The following BSN variants were observed in gnomAD, a reference collection of about 807,000 sequenced individuals.
The protein encoded by BSN is bassoon presynaptic cytomatrix protein.
Under a neutral mutation model 264.8 loss-of-function variants are expected in BSN, and 57 were observed. The ratio of observed to expected loss-of-function variants is 0.22; its 90% CI spans 0.17 to 0.27. BSN has a LOEUF of 0.27. Among genes scored for constraint, BSN ranks in the 10% least tolerant of loss-of-function variants. The probability of loss-of-function intolerance (pLI) is 1.00; values close to 1 mark genes in which losing one functional copy is unlikely to be tolerated. For synonymous variants in BSN, 2,059 were observed against 2,137.3 expected (o/e 0.96, Z 1.01); for missense variants, 4,615 against 5,232.5 (o/e 0.88, Z 3.64).
rs1475701742 is a variant in BSN at position 49,654,475 on chromosome 3, T to C, written c.4919T>C (p.Ile1640Thr). The C allele has an allele frequency of 1.2e-6, 2 of 1,609,272 alleles. No homozygotes were observed. Among genetic ancestry groups the C allele is most frequent in the Middle Eastern group, 1.7e-4 (1 of 6,044 alleles). Residue 1640 changes from isoleucine to threonine, a missense_variant, in exon 5 of 12, where the codon ATC becomes ACC. Transcript: ENST00000296452. This position sits in a 1 kb window ranked among gnomAD's most constrained non-coding sequence, Gnocchi z 4.1. ...TGGGGTGCCCTCCCTGCTGAGAACA[T>C]CTCCCTGTGCCGGATCTCCTCTGTC... Reference protein sequence around the residue: ...YGWGALPAENISLCRISSVPG... With the variant: ...YGWGALPAENTSLCRISSVPG...
At chr3:49,658,231 G>C (rs2052627714) in intron 5 of BSN, 35 bp downstream of exon 5, 1 of 1,502,766 alleles carries the variant, frequency 6.7e-7, no homozygotes, top group Non-Finnish European at 8.9e-7. Flanking sequence ...GGTGGGACAG[G>C]GGTCTCTGCC....
rs1294617631 is a variant in BSN, at chr3:49,652,367, C to T, written c.2811C>T (p.Asn937=). 1.2e-6 allele frequency: 2 copies of T among 1,607,096 alleles called. No individual in the cohort carries two copies. The highest frequency in any genetic ancestry group is 1.7e-6 in the Non-Finnish European group (2 of 1,176,532). ...GLRRFKTIEL[N]STGSYGHELD... is the part of the protein sequence containing the mutation. ...GTCGCTTCAAGACCATTGAGCTCAA[C>T]AGCACGGGAAGTTATGGTCATGAGT... Residue 937 remains asparagine (N), a synonymous_variant, in exon 5 of 12, where the codon AAC becomes AAT. Transcript: ENST00000296452.
intron 3 of BSN, among the ~76,000 whole-genome samples, chr3:49,645,304 C>T (rs1029527804): frequency 1.3e-5 from 2 of 152,192 alleles, no homozygotes; most frequent in Non-Finnish European, 2.9e-5. Flanking sequence ...AGAGGGCCTG[C>T]AGCTATTCTA....
intron 1 of BSN, among the ~76,000 whole-genome samples, chr3:49,622,594 G>T (rs1263195623): frequency 6.6e-6 from 1 of 152,224 alleles, no homozygotes; most frequent in Non-Finnish European, 1.5e-5. Context: ...CAGAAGGCTT[G>T]CACCACCTGG....
At chr3:49,573,204 G>A (rs2051811158) in intron 1 of BSN, among the ~76,000 whole-genome samples, 1 of 152,224 alleles carries the variant, frequency 6.6e-6, no homozygotes, top group Admixed American at 6.5e-5. Flanking sequence ...GATGCCAGGT[G>A]AAGACATGTG....
chr3:49,578,547 A>C (rs1182086713), intron 1 of BSN, among the ~76,000 whole-genome samples: 2 of 152,012 alleles, frequency 1.3e-5, no homozygotes, highest in Admixed American at 1.3e-4. Context: ...AGCTGGGACT[A>C]CAGGTGCCCA....
intron 1 of BSN, among the ~76,000 whole-genome samples, chr3:49,555,763 G>A (rs539882358): frequency 1.3e-5 from 2 of 152,324 alleles, no homozygotes; most frequent in African/African-American, 4.8e-5. Flanking sequence ...CACCAAATAG[G>A]CTTGGGGAGT....
At chr3:49,633,029 G>A (rs981887286) in intron 2 of BSN, among the ~76,000 whole-genome samples, 5 of 152,064 alleles carry the variant, frequency 3.3e-5, no homozygotes, top group Admixed American at 1.3e-4. Context: ...AACATAGGTC[G>A]GCTATGGTGG....
chr3:49,554,991 C>G (rs953605516), intron 1 of BSN, among the ~76,000 whole-genome samples, 165 bp downstream of exon 1: 2 of 152,202 alleles, frequency 1.3e-5, no homozygotes, highest in Non-Finnish European at 2.9e-5. Context: ...AGCGGCCCTT[C>G]CTTTCCAGCT....
intron 1 of BSN, among the ~76,000 whole-genome samples, chr3:49,571,710 A>G (rs2051797385): frequency 6.6e-6 from 1 of 152,054 alleles, no homozygotes; most frequent in Admixed American, 6.6e-5. Flanking sequence ...ATGGGGGATA[A>G]CTCTGTAAAC....
rs192896308 is a variant in BSN at position 49,651,575 on chromosome 3, G to A, written c.2019G>A (p.Ala673=). 87 of 1,601,004 alleles carry A rather than the reference G, an allele frequency of 5.4e-5. 1 individual carries two copies. The highest frequency in any genetic ancestry group is 2.2e-4 in the South Asian group (20 of 88,952). ...DLVGKPYSQD[A]SRSPQSLSDT... ...TGGGCAAGCCTTACTCTCAGGATGCGTCTCGGAGCCCACAGAGCCTCAGTG... is the reference window on the plus strand; with the variant it reads ...TGGGCAAGCCTTACTCTCAGGATGCATCTCGGAGCCCACAGAGCCTCAGTG... Residue 673 remains alanine (A), a synonymous_variant, in exon 5 of 12, where the codon GCG becomes GCA. Coordinates refer to ENST00000296452, the MANE Select transcript of BSN (RefSeq NM_003458.4). This position sits in a 1 kb window ranked among gnomAD's most constrained non-coding sequence, Gnocchi z 5.4.
Position 49,662,333 on chromosome 3 carries a change from C to T in BSN, c.10488C>T (p.Pro3496=), listed in dbSNP as rs137979821. ...LSMAHSRVRP[P]MRSQASEEES... ...TGGCCCACAGCCGGGTACGACCCCCCATGCGGAGCCAGGCCTCTGAAGAGG... is the reference window on the plus strand; with the variant it reads ...TGGCCCACAGCCGGGTACGACCCCCTATGCGGAGCCAGGCCTCTGAAGAGG... The change falls in exon 6 of 12, where the codon CCC becomes CCT. Residue 3496 remains proline, a synonymous_variant. Coordinates refer to ENST00000296452, the MANE Select transcript of BSN (RefSeq NM_003458.4). The T allele has an allele frequency of 8.1e-6, 13 of 1,613,596 alleles. No individual in the cohort carries two copies. The highest frequency in any genetic ancestry group is 1.0e-5 in the Non-Finnish European group (12 of 1,179,804).
chr3:49,665,797 A>C (rs1274564401), intron 11 of BSN, among the ~76,000 whole-genome samples: 1 of 152,254 alleles, frequency 6.6e-6, no homozygotes. Flanking sequence ...ACAGGATAGA[A>C]GAGTGGAAGG....
At chr3:49,563,649 G>A (rs904375853) in intron 1 of BSN, among the ~76,000 whole-genome samples, 2 of 152,220 alleles carry the variant, frequency 1.3e-5, no homozygotes, top group South Asian at 2.1e-4. Flanking sequence ...GTCAAAGTCC[G>A]GTATGTGAGG....
rs1045419936 is a variant in BSN, at chr3:49,653,895, C to G, written c.4339C>G (p.Arg1447Gly). 34 of 1,614,072 alleles carry G rather than the reference C, an allele frequency of 2.1e-5. No homozygotes were observed. Among genetic ancestry groups the G allele is most frequent in the Non-Finnish European group, 2.9e-5 (34 of 1,179,974 alleles). Reference protein sequence around the residue: ...QAPSGLAAAGRAAREKPLSAS... With the variant: ...QAPSGLAAAGGAAREKPLSAS... ...CCCCAGTGGCCTTGCTGCAGCTGGA[C>G]GAGCTGCTAGAGAGAAGCCCTTGAG... Residue 1447 changes from arginine to glycine, a missense_variant, in exon 5 of 12, where the codon CGA becomes GGA. This residue lies in a region of BSN where 3,415 missense variants were observed against 3,866.4 expected (regional missense o/e 0.88). Transcript: ENST00000296452. The surrounding 1 kb of genome is among the most constrained non-coding windows in gnomAD (Gnocchi z 6.3).
In BSN at chr3:49,651,709, C is replaced by A. The variant is rs183745559; in HGVS notation, c.2153C>A (p.Pro718Gln). 5.3e-5 allele frequency: 85 copies of A among 1,613,150 alleles called. No individual in the cohort carries two copies. The Admixed American group carries it at 1.4e-3, about 27-fold the overall frequency. Residue 718 changes from proline (P) to glutamine (Q), a missense_variant, in exon 5 of 12, where the codon CCA becomes CAA. This residue lies in a region of BSN where 1,197 missense variants were observed against 1,348.0 expected (regional missense o/e 0.89). Transcript: ENST00000296452. The surrounding 1 kb of genome is among the most constrained non-coding windows in gnomAD (Gnocchi z 5.4). ...AGTGCAGGGGTGACAGGGCCACATCCACCCAGCCCCTCCGAGATCCACAAG... is the reference window on the plus strand; with the variant it reads ...AGTGCAGGGGTGACAGGGCCACATCAACCCAGCCCCTCCGAGATCCACAAG... Reference protein sequence around the residue: ...LDSAGVTGPHPPSPSEIHKVG... With the variant: ...LDSAGVTGPHQPSPSEIHKVG...
intron 1 of BSN, among the ~76,000 whole-genome samples, chr3:49,569,017 A>T (rs186753126): frequency 6.6e-5 from 10 of 152,212 alleles, no homozygotes; most frequent in Non-Finnish European, 1.3e-4. Context: ...TATATTCTGG[A>T]AATTGAGCCA....
rs2052589811 is a variant in BSN at position 49,655,376 on chromosome 3, C to T, written c.5820C>T (p.Pro1940=). 6.3e-7 allele frequency: 1 copy of T among 1,586,406 alleles called. No homozygotes were observed. Among genetic ancestry groups the T allele is most frequent in the Admixed American group, 1.7e-5 (1 of 58,016 alleles). The change falls in exon 5 of 12, where the codon CCC becomes CCT. Residue 1940 remains proline, a synonymous_variant. Transcript: ENST00000296452. ...DAAPPGQSSS[P]FYGPRDPEPP... ...CCCCACCTGGCCAAAGCAGCAGCCCCTTCTATGGTCCCCGGGACCCTGAGC... is the reference window on the plus strand; with the variant it reads ...CCCCACCTGGCCAAAGCAGCAGCCCTTTCTATGGTCCCCGGGACCCTGAGC...
intron 1 of BSN, among the ~76,000 whole-genome samples, chr3:49,555,495 G>T (rs1391213623): frequency 6.6e-6 from 1 of 152,206 alleles, no homozygotes; most frequent in Non-Finnish European, 1.5e-5. Flanking sequence ...TCCAGCACCA[G>T]ATATGTTCTC....
Sources: gnomAD v4.1 joint callset for allele counts (sites outside exome capture counted in the v4.1 genomes callset) on GRCh38, gnomAD v4.1.1 for gene constraint, gnomAD v4.1.1 regional missense constraint, Gnocchi (gnomAD v3.1) non-coding constraint, MANE v1.5 for transcripts, NCBI Gene and HGNC (gene_info 2026-07-23, HGNC 2026-07-21) for gene names.